Variants in CCDC88B observed in about 807,000 individuals in gnomAD.
CCDC88B encodes coiled-coil domain-containing protein 88B.
Under a neutral mutation model 183.7 loss-of-function variants are expected in CCDC88B, and 138 were observed. That is an observed-to-expected ratio of 0.75 (90% CI 0.65 to 0.87). The LOEUF is 0.87. Ranked by LOEUF, CCDC88B falls within the 40% of genes least tolerant of loss-of-function variation. The pLI is 0.00. For synonymous variants in CCDC88B, 835 were observed against 867.5 expected (o/e 0.96, Z 0.66); for missense variants, 1,822 against 1,965.6 (o/e 0.93, Z 1.38).
rs1372439282 is a variant in CCDC88B, at chr11:64,357,319, G to T, written c.*225G>T. The T allele has an allele frequency of 1.4e-6, 1 of 722,958 alleles. No homozygotes were observed. The highest frequency in any genetic ancestry group is 2.6e-6 in the Non-Finnish European group (1 of 389,924). The allele number at this position is 722,958 out of a possible 1,614,324, so 44.8% of individuals were successfully genotyped here. On this transcript the variant is annotated 3_prime_UTR_variant, in exon 27 of 27. Coordinates refer to ENST00000356786, the MANE Select transcript of CCDC88B (RefSeq NM_032251.6). Reference sequence around the variant, plus strand: ...GGCTGGCCCCCACGAGCAGCTCCAGGCTGGAGTTCTGGTTCTTCCAGGTGG... The same window carrying T: ...GGCTGGCCCCCACGAGCAGCTCCAGTCTGGAGTTCTGGTTCTTCCAGGTGG...
chr11:64,344,456 T>C lies in CCDC88B; in HGVS notation c.1915T>C (p.Trp639Arg), dbSNP rs685870. 1,067,485 of 1,591,396 alleles carry C rather than the reference T, an allele frequency of 0.67. 364,584 individuals are homozygous for C. Among genetic ancestry groups the C allele is most frequent in the South Asian group, 0.76 (67,522 of 88,848 alleles). Reference protein sequence around the residue: ...APQGELVPEAWGLRQEGPEHK... With the variant: ...APQGELVPEARGLRQEGPEHK... The stretch of plus-strand genomic sequence containing the variant: ...CCAAGGCGAGTTGGTGCCTGAGGCC[T>C]GGGGGTTGAGACAGGAGGGCCCTGA... Residue 639 changes from tryptophan to arginine, a missense_variant, in exon 14 of 27, where the codon TGG becomes CGG. Physicochemically the swap from Trp to Arg is moderately radical, Grantham distance 101. Coordinates refer to ENST00000356786, the MANE Select transcript of CCDC88B (RefSeq NM_032251.6). The surrounding 1 kb of genome is among the most constrained non-coding windows in gnomAD (Gnocchi z 4.5).
Position 64,340,994 on chromosome 11 carries a change from G to A in CCDC88B, c.294G>A (p.Trp98Ter). 1.2e-6 allele frequency: 2 copies of A among 1,608,952 alleles called. No homozygotes were observed. Among genetic ancestry groups the A allele is most frequent in the Non-Finnish European group, 1.7e-6 (2 of 1,177,112 alleles). Residue 98 changes from tryptophan (W) to a stop codon, truncating the protein, a stop_gained, in exon 3 of 27, where the codon TGG becomes TGA. Transcript: ENST00000356786. LOFTEE classifies it high-confidence loss of function. Reference sequence around the variant, plus strand: ...GAGTGTGGAACCTGAACCACCTGTGGGGCCGACTGAGGGACTTCTACCAGG... The same window carrying A: ...GAGTGTGGAACCTGAACCACCTGTGAGGCCGACTGAGGGACTTCTACCAGG... ...AWRVWNLNHLWGRLRDFYQEE... is the reference protein window; with the variant it reads ...AWRVWNLNHL
intron 19 of CCDC88B, 149 bp from the exon 20 acceptor site, chr11:64,352,595 C>G (rs770129737): frequency 1.5e-6 from 2 of 1,358,144 alleles, no homozygotes; most frequent in Non-Finnish European, 2.0e-6. Flanking sequence ...GTGGTGGGCA[C>G]CTGGCATGGC....
intron 14 of CCDC88B, among the ~76,000 whole-genome samples, chr11:64,347,242 G>A (rs1282015700): frequency 6.6e-6 from 1 of 152,252 alleles, no homozygotes; most frequent in African/African-American, 2.4e-5. Context: ...GCTAAGGAAG[G>A]GGTTAGGGCT....
intron 23 of CCDC88B, 63 bp downstream of exon 23, chr11:64,353,876 C>T: frequency 6.2e-7 from 1 of 1,601,200 alleles, no homozygotes; most frequent in Non-Finnish European, 8.6e-7. Context: ...CTGCCCTGGC[C>T]TCTGACCCCA....
Position 64,341,737 on chromosome 11 carries a change from G to A in CCDC88B, c.670G>A (p.Ala224Thr), listed in dbSNP as rs1378724692. 9.6e-6 allele frequency: 15 copies of A among 1,565,324 alleles called. No homozygotes were observed. In the East Asian group the frequency reaches 2.9e-4, roughly 30 times the overall value. The change falls in exon 7 of 27, where the codon GCC becomes ACC. Residue 224 changes from alanine (A) to threonine (T), a missense_variant. Physicochemically the swap from Ala to Thr is moderately conservative, Grantham distance 58 (BLOSUM62 0). Transcript: ENST00000356786. ...SKLARERDLG[A>T]QRLAELLLER... Reference sequence around the variant, plus strand: ...GCTGGCACGGGAGCGTGACCTGGGGGCCCAGGTAGGGGCAGCAGGGGCATC... The same window carrying A: ...GCTGGCACGGGAGCGTGACCTGGGGACCCAGGTAGGGGCAGCAGGGGCATC...
chr11:64,347,215 C>T (rs1446697336), intron 14 of CCDC88B, among the ~76,000 whole-genome samples: 1 of 152,250 alleles, frequency 6.6e-6, no homozygotes. Flanking sequence ...TTGGGCGTGG[C>T]TTCAGCTTCC....
intron 8 of CCDC88B, 70 bp from the exon 9 acceptor site, chr11:64,342,224 A>G (rs949022779): frequency 1.3e-6 from 2 of 1,579,572 alleles, no homozygotes; most frequent in African/African-American, 2.7e-5. Flanking sequence ...TGGCTACGGG[A>G]GGGGTCAGGC....
At chr11:64,354,297 C>G (rs531768101) in intron 24 of CCDC88B, 127 bp downstream of exon 24, 1 of 756,490 alleles carries the variant, frequency 1.3e-6, no homozygotes, top group South Asian at 5.7e-5. Context: ...CCTGCCCCCC[C>G]TGCCCTGATG....
In CCDC88B at chr11:64,357,016, C is replaced by A. The variant is rs529763892; in HGVS notation, c.4376-23C>A. 80 of 1,552,500 alleles carry A rather than the reference C, an allele frequency of 5.2e-5. 1 individual carries two copies. The South Asian group carries it at 9.5e-4, about 18-fold the overall frequency. On this transcript the variant is annotated intron_variant, in intron 26 of 26. Transcript: ENST00000356786. ...GGGAGTCCTCCTGAGGGAAGCAGAT[C>A]TCAGCTGAGCCTTTCCCTCTAGGCC...
In CCDC88B at chr11:64,344,326, A is replaced by G. The variant is rs750718444; in HGVS notation, c.1785A>G (p.Arg595=). 10 of 1,612,978 alleles carry G rather than the reference A, an allele frequency of 6.2e-6. No homozygotes were observed. Among genetic ancestry groups the G allele is most frequent in the Non-Finnish European group, 7.6e-6 (9 of 1,179,722 alleles). Residue 595 remains arginine (R), a synonymous_variant, in exon 14 of 27, where the codon AGA becomes AGG. Transcript: ENST00000356786. The surrounding 1 kb of genome is among the most constrained non-coding windows in gnomAD (Gnocchi z 4.5). ...AGTCCCCGGAGAAGGCTGGCCGTAGATCCTCTCTCCAGAGCCCTGCCTCTG... is the reference window on the plus strand; with the variant it reads ...AGTCCCCGGAGAAGGCTGGCCGTAGGTCCTCTCTCCAGAGCCCTGCCTCTG... ...TQESPEKAGR[R]SSLQSPASVA...
intron 24 of CCDC88B, among the ~76,000 whole-genome samples, chr11:64,354,817 C>T (rs558117826): frequency 3.6e-4 from 40 of 111,018 alleles, no homozygotes; most frequent in Non-Finnish European, 6.4e-4. Flanking sequence ...GCCTCCCCCC[C>T]TCCTCTGACC....
chr11:64,340,350 T>A (rs2035779792), intron 1 of CCDC88B, 24 bp downstream of exon 1: 1 of 1,281,006 alleles, frequency 7.8e-7, no homozygotes, highest in Non-Finnish European at 1.0e-6. Flanking sequence ...TGGCAGCGGG[T>A]TGGGGAGGGG....
rs561918725 is a variant in CCDC88B, at chr11:64,343,324, C to A, written c.1208C>A (p.Ala403Glu). 7.1e-6 allele frequency: 11 copies of A among 1,550,216 alleles called. No homozygotes were observed. The African/African-American group carries it at 1.4e-4, about 19-fold the overall frequency. ...CGAACCCGGCTGGGCGAGGCCCATG[C>A]GGTAAGGTAGCCAGAGTGATCCCAC... is the stretch of plus-strand genomic sequence containing the variant. ...LLRTRLGEAH[A>E]ELDSLRHQVD... The change falls in exon 11 of 27, where the codon GCG becomes GAG. Residue 403 changes from alanine to glutamate, a missense_variant and splice_region_variant. Physicochemically the swap from Ala to Glu is moderately radical, Grantham distance 107. Coordinates refer to ENST00000356786, the MANE Select transcript of CCDC88B (RefSeq NM_032251.6).
chr11:64,343,782 C>T lies in CCDC88B; in HGVS notation c.1323C>T (p.Pro441=), dbSNP rs2035984995. Residue 441 remains proline, a synonymous_variant, in exon 13 of 27, where the codon CCC becomes CCT. Transcript: ENST00000356786. The part of the protein sequence containing the change: ...EPPPGSPGEA[P]LAGAAPSLQD... The stretch of plus-strand genomic sequence containing the variant: ...GACCTCATCTCTCATCCTCAGCACC[C>T]CTAGCAGGAGCGGCCCCCTCGCTGC... The T allele has an allele frequency of 6.4e-7, 1 of 1,571,620 alleles. No homozygotes were observed. The highest frequency in any genetic ancestry group is 8.6e-7 in the Non-Finnish European group (1 of 1,158,142).
intron 17 of CCDC88B, 68 bp downstream of exon 17, chr11:64,351,323 A>G (rs2036320758): frequency 6.7e-7 from 1 of 1,488,170 alleles, no homozygotes; most frequent in South Asian, 1.3e-5. Context: ...TCCACGGTGG[A>G]CCCTGGGCTG....
At position 64,345,000 on chromosome 11, in the gene CCDC88B, C is replaced by T; in HGVS notation, c.2459C>T (p.Ala820Val). The change falls in exon 14 of 27, where the codon GCA becomes GTA. Residue 820 changes from alanine (A) to valine (V), a missense_variant. Ala to Val is a moderately conservative substitution (Grantham distance 64). Coordinates refer to ENST00000356786, the MANE Select transcript of CCDC88B (RefSeq NM_032251.6). The surrounding 1 kb of genome is among the most constrained non-coding windows in gnomAD (Gnocchi z 4.5). Reference sequence around the variant, plus strand: ...GAGGCGCTGGTGGAGGCGCTGGCAGCAGCGGGCCGGGAGCGGAGGCAGTGG... The same window carrying T: ...GAGGCGCTGGTGGAGGCGCTGGCAGTAGCGGGCCGGGAGCGGAGGCAGTGG... ...EREALVEALA[A>V]AGRERRQWER... is the part of the protein sequence containing the mutation. The T allele has an allele frequency of 6.5e-7, 1 of 1,546,672 alleles. No individual in the cohort carries two copies.
At chr11:64,341,217 CACTACTCT>C (rs1486215342) in intron 4 of CCDC88B, 39 bp downstream of exon 4, 13 of 1,613,906 alleles carry the variant, frequency 8.1e-6, no homozygotes, top group Non-Finnish European at 1.1e-5. Flanking sequence ...TCTGCCCCCG[CACTACTCT>C]ACCTTCCCCG....
intron 14 of CCDC88B, among the ~76,000 whole-genome samples, chr11:64,346,033 C>A (rs1171935725): frequency 6.6e-6 from 1 of 152,052 alleles, no homozygotes; most frequent in Non-Finnish European, 1.5e-5. Flanking sequence ...AATGAAACAA[C>A]AACAAAAAAA....
Sources: gnomAD v4.1 joint callset for allele counts (sites outside exome capture counted in the v4.1 genomes callset) on GRCh38, gnomAD v4.1.1 for gene constraint, Gnocchi (gnomAD v3.1) non-coding constraint, MANE v1.5 for transcripts, NCBI Gene and HGNC (gene_info 2026-07-23, HGNC 2026-07-21) for gene names.